Variants in DENND1A observed in about 807,000 individuals in gnomAD.
DENND1A encodes DENN domain containing 1A.
In DENND1A, 51 loss-of-function variants were observed where a neutral mutation model predicts 113.7. That is an observed-to-expected ratio of 0.45 (90% confidence interval 0.36 to 0.57). The LOEUF (loss-of-function observed/expected upper bound fraction) is 0.57. Among genes scored for constraint, DENND1A ranks in the 20% least tolerant of loss-of-function variants. DENND1A has a pLI of 0.00. For synonymous variants in DENND1A, 565 were observed against 570.8 expected, an observed-to-expected ratio of 0.99 and a Z score of 0.14; for missense variants, 1,258 against 1,395.9, an observed-to-expected ratio of 0.90 and a Z score of 1.57.
rs984124301 is a variant in DENND1A at position 123,403,381 on chromosome 9, G to A, written c.1631+21C>T. On this transcript the variant is annotated intron_variant, in intron 21 of 23. Coordinates refer to ENST00000394215, the MANE Select transcript of DENND1A (RefSeq NM_001352964.2). ...CAGACACAGGGTTCTTACAGACAGA[G>A]GGGAGAGGCACAATACTCACTGCTC... 3 of 1,612,870 alleles carry A rather than the reference G, an allele frequency of 1.9e-6. No homozygotes were observed. The African/African-American group carries it at 4.0e-5, about 21-fold the overall frequency.
At chr9:123,390,027 T>C (rs2042761042) in intron 21 of DENND1A, among the ~76,000 whole-genome samples, 1 of 152,216 alleles carries the variant, frequency 6.6e-6, no homozygotes. Flanking sequence ...TCACCTTTGC[T>C]TGGAGCACTG....
At position 123,718,431 on chromosome 9, in the gene DENND1A, C is replaced by G. The variant is rs541956942; in HGVS notation, c.302+39272G>C. On this transcript the variant is annotated intron_variant, in intron 5 of 23. Transcript: ENST00000394215. ...CAGTTCACAGTTCACCATTGCCTAG[C>G]TTTGCCCAGATGGTAATACTCTTAA... 1.1e-4 allele frequency among the ~76,000 whole-genome samples: 17 copies of G among 152,350 alleles called. No individual in the cohort carries two copies. In the South Asian group the frequency reaches 3.5e-3, roughly 32 times the overall value.
At chr9:123,713,411 T>C (rs1226317281) in intron 5 of DENND1A, among the ~76,000 whole-genome samples, 1 of 152,208 alleles carries the variant, frequency 6.6e-6, no homozygotes, top group Admixed American at 6.5e-5. Flanking sequence ...TAACTGTGGA[T>C]GTGGCAGATA....
At chr9:123,388,832 G>C (rs1296869725) in intron 21 of DENND1A, among the ~76,000 whole-genome samples, 1 of 152,206 alleles carries the variant, frequency 6.6e-6, no homozygotes, top group Non-Finnish European at 1.5e-5. Flanking sequence ...CTGGGGAGTA[G>C]GTGTCTCTGT....
chr9:123,662,434 G>A (rs1243295432), intron 8 of DENND1A, among the ~76,000 whole-genome samples: 2 of 152,182 alleles, frequency 1.3e-5, no homozygotes, highest in Non-Finnish European at 2.9e-5. Flanking sequence ...GTGGTGGTGT[G>A]TACCTGTAGC....
intron 1 of DENND1A, among the ~76,000 whole-genome samples, chr9:123,919,549 C>A (rs535045021): frequency 3.3e-5 from 5 of 151,600 alleles, no homozygotes; most frequent in Non-Finnish European, 7.4e-5. Flanking sequence ...AAAGAAAAAT[C>A]TACCTTTTAG....
intron 13 of DENND1A, among the ~76,000 whole-genome samples, chr9:123,495,336 GCT>G (rs1434522505): frequency 6.6e-6 from 1 of 152,166 alleles, no homozygotes; most frequent in Non-Finnish European, 1.5e-5. Context: ...GCTGGGAATA[GCT>G]CTGAGAGGAT....
chr9:123,450,900 A>G (rs1349110296), intron 17 of DENND1A, 151 bp from the exon 18 acceptor site: 2 of 594,176 alleles, frequency 3.4e-6, no homozygotes, highest in African/African-American at 3.8e-5. Flanking sequence ...TGGCTATGAA[A>G]ACAAATACAA....
intron 13 of DENND1A, among the ~76,000 whole-genome samples, chr9:123,530,465 G>A (rs906871542): frequency 3.9e-5 from 6 of 152,120 alleles, no homozygotes; most frequent in East Asian, 1.9e-4. Context: ...TCCTTCAGGC[G>A]TCATAGCAAA....
intron 9 of DENND1A, among the ~76,000 whole-genome samples, chr9:123,645,252 C>T (rs528606217): frequency 6.6e-6 from 1 of 152,164 alleles, no homozygotes; most frequent in Non-Finnish European, 1.5e-5. Context: ...GAGTGCTAGA[C>T]AGCTTTTATC....
chr9:123,832,463 T>C (rs556047639), intron 2 of DENND1A, among the ~76,000 whole-genome samples: 1 of 152,350 alleles, frequency 6.6e-6, no homozygotes, highest in African/African-American at 2.4e-5. Context: ...AAACTTGGCA[T>C]TTTATGCTAA....
chr9:123,707,298 G>A (rs1410919812), intron 5 of DENND1A, among the ~76,000 whole-genome samples: 2 of 152,048 alleles, frequency 1.3e-5, no homozygotes, highest in Non-Finnish European at 2.9e-5. Flanking sequence ...CGAGGCTGAG[G>A]CAGGAGAATC....
At chr9:123,523,367 C>G (rs2564362) in intron 13 of DENND1A, among the ~76,000 whole-genome samples, 2 of 152,108 alleles carry the variant, frequency 1.3e-5, no homozygotes, top group African/African-American at 2.4e-5. Context: ...AACTCTTATT[C>G]CATGTGTATA....
intron 13 of DENND1A, among the ~76,000 whole-genome samples, chr9:123,485,942 C>T (rs932465396): frequency 1.3e-5 from 2 of 152,154 alleles, no homozygotes; most frequent in African/African-American, 4.8e-5. Flanking sequence ...GAATCCATCT[C>T]CCTGGCCCAT....
chr9:123,776,483 A>G (rs533557748), intron 3 of DENND1A, among the ~76,000 whole-genome samples: 2 of 152,350 alleles, frequency 1.3e-5, no homozygotes, highest in Admixed American at 1.3e-4. Context: ...TTTAACTTGT[A>G]AGAATGCTTT....
intron 5 of DENND1A, among the ~76,000 whole-genome samples, chr9:123,693,093 C>T (rs1253717639): frequency 6.6e-6 from 1 of 152,134 alleles, no homozygotes; most frequent in East Asian, 1.9e-4. Context: ...CAAATAAACT[C>T]CACCCATTCT....
At chr9:123,873,478 T>C (rs1564424544) in intron 2 of DENND1A, among the ~76,000 whole-genome samples, 1 of 152,188 alleles carries the variant, frequency 6.6e-6, no homozygotes, top group Admixed American at 6.5e-5. Context: ...AAAAGAACTG[T>C]CCTCAAAGTT....
intron 13 of DENND1A, among the ~76,000 whole-genome samples, chr9:123,486,167 A>C (rs986952853): frequency 6.6e-6 from 1 of 152,170 alleles, no homozygotes; most frequent in African/African-American, 2.4e-5. Context: ...TCTGTAAAAG[A>C]AGCTCAATCA....
At chr9:123,887,917 C>T (rs1464146188) in intron 1 of DENND1A, among the ~76,000 whole-genome samples, 2 of 152,100 alleles carry the variant, frequency 1.3e-5, no homozygotes, top group Non-Finnish European at 2.9e-5. Flanking sequence ...TTAGAATGTG[C>T]TCAAGGTTTA....
Sources: gnomAD v4.1 joint callset for allele counts (sites outside exome capture counted in the v4.1 genomes callset) on GRCh38, gnomAD v4.1.1 for gene constraint, MANE v1.5 for transcripts, NCBI Gene and HGNC (gene_info 2026-07-23, HGNC 2026-07-21) for gene names.